TMEM14C: variants seen among roughly 807,000 people sequenced by gnomAD.
The protein encoded by TMEM14C is transmembrane protein 14C, also known as chromosome 6 open reading frame 53.
TMEM14C carries 13 observed loss-of-function variants against 14.8 expected under a neutral mutation model. The ratio of observed to expected loss-of-function variants is 0.88; its 90% CI spans 0.57 to 1.40. TMEM14C has a LOEUF of 1.40. Ranked by LOEUF, TMEM14C falls within the 40% of genes most tolerant of loss-of-function variation. TMEM14C has a pLI of 0.00. For missense variants in TMEM14C, 142 were observed against 138.8 expected, an observed-to-expected ratio of 1.02 and a Z score of -0.12; for synonymous variants, 57 against 51.3, an observed-to-expected ratio of 1.11 and a Z score of -0.48.
chr6:10,725,001 G>C lies in TMEM14C; in HGVS notation c.61G>C (p.Val21Leu). The change falls in exon 3 of 6, where the codon GTT (valine) becomes CTT (leucine). Residue 21 changes from valine (V) to leucine (L), a missense_variant. Physicochemically the swap from Val to Leu is conservative, Grantham distance 32. Transcript: ENST00000229563. ...GTTTGGCTTTGGCTACGCAGCACTG[G>C]TTGCTTCTGGTGGGATCATTGGCTA... ...HWFGFGYAAL[V>L]ASGGIIGYVK... 6.2e-7 allele frequency: 1 copy of C among 1,614,238 alleles called. No individual in the cohort carries two copies.
intron 4 of TMEM14C, among the ~76,000 whole-genome samples, chr6:10,727,738 T>C (rs1424481393): frequency 6.6e-6 from 1 of 151,976 alleles, no homozygotes; most frequent in Non-Finnish European, 1.5e-5. Flanking sequence ...TGAGAATTGC[T>C]TGATCCCAGG....
chr6:10,728,659 T>C lies in TMEM14C; in HGVS notation c.219T>C (p.Ala73=), dbSNP rs765467647. ...WVFLATSGTL[A]GIMGMRFYHS... is the part of the protein sequence containing the mutation. Reference sequence around the variant, plus strand: ...CATCAGCTACATCTGGTACCTTGGCTGGCATTATGGGAATGAGGTTCTACC... The same window carrying C: ...CATCAGCTACATCTGGTACCTTGGCCGGCATTATGGGAATGAGGTTCTACC... The change falls in exon 5 of 6, where the codon GCT becomes GCC. Residue 73 remains alanine, a synonymous_variant. Transcript: ENST00000229563. 3.7e-6 allele frequency: 6 copies of C among 1,614,196 alleles called. No individual in the cohort carries two copies. Among genetic ancestry groups the C allele is most frequent in the Non-Finnish European group, 5.1e-6 (6 of 1,180,032 alleles).
At chr6:10,730,469 A>T (rs898351506) in intron 5 of TMEM14C, 146 bp from the exon 6 acceptor site, 1 of 652,712 alleles carries the variant, frequency 1.5e-6, no homozygotes, top group East Asian at 3.0e-5. Context: ...TGGTTCCTCC[A>T]GGGATGGAAA....
Position 10,730,719 on chromosome 6 carries a change from C to A in TMEM14C, c.*53C>A. On this transcript the variant is annotated 3_prime_UTR_variant, in exon 6 of 6. Transcript: ENST00000229563. ...TGAAGAATTAAAAATCTGCATCTTC[C>A]ACTATTTTCAATATATTAAGAGAAA... 2 of 1,534,574 alleles carry A rather than the reference C, an allele frequency of 1.3e-6. No individual in the cohort carries two copies. Among genetic ancestry groups the A allele is most frequent in the Non-Finnish European group, 1.8e-6 (2 of 1,133,742 alleles).
chr6:10,724,733 G>T, intron 2 of TMEM14C, 100 bp downstream of exon 2: 2 of 1,385,910 alleles, frequency 1.4e-6, no homozygotes, highest in Non-Finnish European at 2.0e-6. Flanking sequence ...GCCTGGGATG[G>T]CATGGGGGAT....
chr6:10,730,819 A>C lies in TMEM14C; in HGVS notation c.*153A>C, dbSNP rs1473062631. 2 of 1,350,754 alleles carry C rather than the reference A, an allele frequency of 1.5e-6. No individual in the cohort carries two copies. Among genetic ancestry groups the C allele is most frequent in the Non-Finnish European group, 1.9e-6 (2 of 1,046,220 alleles). The allele number at this position is 1,350,754 out of a possible 1,614,324, so 83.7% of individuals were successfully genotyped here. On this transcript the variant is annotated 3_prime_UTR_variant, in exon 6 of 6. Coordinates refer to ENST00000229563, the MANE Select transcript of TMEM14C (RefSeq NM_016462.4). ...AAACTTGGCAGAGAGGTGGAAAATC[A>C]GTCATGATTACAAACCTACAGAGGT...
intron 1 of TMEM14C, among the ~76,000 whole-genome samples, chr6:10,724,188 G>A (rs1770784976): frequency 6.6e-6 from 1 of 152,320 alleles, no homozygotes; most frequent in South Asian, 2.1e-4. Context: ...AGACATTAAA[G>A]TAGTTGGATT....
At chr6:10,727,253 C>T (rs1770890202) in intron 4 of TMEM14C, among the ~76,000 whole-genome samples, 1 of 152,260 alleles carries the variant, frequency 6.6e-6, no homozygotes, top group South Asian at 2.1e-4. Flanking sequence ...GACCTTTACA[C>T]TGGCCAGGAT....
intron 4 of TMEM14C, among the ~76,000 whole-genome samples, chr6:10,728,182 AC>A (rs1770922952): frequency 6.6e-6 from 1 of 152,150 alleles, no homozygotes; most frequent in Non-Finnish European, 1.5e-5. Context: ...GTCCCATCAG[AC>A]CTGAAGCACT....
chr6:10,726,289 T>C, intron 4 of TMEM14C, among the ~76,000 whole-genome samples: 1 of 152,216 alleles, frequency 6.6e-6, no homozygotes, highest in East Asian at 1.9e-4. Flanking sequence ...GTATCAACCG[T>C]TGAGGTTGCC....
Position 10,724,569 on chromosome 6 carries a change from G to C in TMEM14C, c.-44-1G>C. On this transcript the variant is annotated splice_acceptor_variant, in intron 1 of 5. Coordinates refer to ENST00000229563, the MANE Select transcript of TMEM14C (RefSeq NM_016462.4). LOFTEE classifies it low-confidence loss of function (5UTR_SPLICE). ...CCTCTGATCCAGCTTGTTTTCTGCA[G>C]GTGCAGGCCTGGGGTAGTCTCCTGT... The C allele has an allele frequency of 6.2e-7, 1 of 1,610,214 alleles. No individual in the cohort carries two copies. Among genetic ancestry groups the C allele is most frequent in the Non-Finnish European group, 8.5e-7 (1 of 1,177,488 alleles).
intron 3 of TMEM14C, among the ~76,000 whole-genome samples, chr6:10,725,396 C>G (rs1338126814): frequency 6.6e-6 from 1 of 152,228 alleles, no homozygotes; most frequent in East Asian, 1.9e-4. Flanking sequence ...ATTTTGAACT[C>G]TCCTCGTTAG....
chr6:10,727,360 A>C (rs1378381650), intron 4 of TMEM14C, among the ~76,000 whole-genome samples: 1 of 151,826 alleles, frequency 6.6e-6, no homozygotes, highest in Non-Finnish European at 1.5e-5. Flanking sequence ...CCTTTTTTTG[A>C]GATGGAGTCT....
Position 10,730,769 on chromosome 6 carries a change from CATTTT to C in TMEM14C, c.*105_*109del. On this transcript the variant is annotated 3_prime_UTR_variant, in exon 6 of 6. Coordinates refer to ENST00000229563, the MANE Select transcript of TMEM14C (RefSeq NM_016462.4). ...ATAAGTGCAGCATTTTTGCATCTGA[CATTTT>C]ACCTAAAAAAAAAGACACCAAACTT... 1 of 1,412,074 alleles carries C rather than the reference CATTTT, an allele frequency of 7.1e-7. No individual in the cohort carries two copies. The highest frequency in any genetic ancestry group is 1.6e-5 in the South Asian group (1 of 62,844). The allele number at this position is 1,412,074 out of a possible 1,614,324, so 87.5% of individuals were successfully genotyped here. A position where few individuals can be genotyped will look rare whatever the true frequency, so the allele number is the denominator to read the frequency against.
At position 10,730,941 on chromosome 6, in the gene TMEM14C, C is replaced by G; in HGVS notation, c.*275C>G. The G allele has an allele frequency of 9.3e-7, 1 of 1,077,192 alleles. No homozygotes were observed. The highest frequency in any genetic ancestry group is 1.1e-6 in the Non-Finnish European group (1 of 889,064). The allele number at this position is 1,077,192 out of a possible 1,614,324, so 66.7% of individuals were successfully genotyped here. ...TCTTTCTGTATCTGTAGGTAAATCT[C>G]AAGGGTAAAATGTTAGGTGTCAGCT... On this transcript the variant is annotated 3_prime_UTR_variant, in exon 6 of 6. Coordinates refer to ENST00000229563, the MANE Select transcript of TMEM14C (RefSeq NM_016462.4).
At chr6:10,728,780 A>G (rs1770944673) in intron 5 of TMEM14C, 53 bp downstream of exon 5, 1 of 1,612,732 alleles carries the variant, frequency 6.2e-7, no homozygotes, top group African/African-American at 1.3e-5. Context: ...TTTATTCCCC[A>G]GGATACCTTA....
chr6:10,729,818 C>G (rs1770976364), intron 5 of TMEM14C, among the ~76,000 whole-genome samples: 1 of 151,964 alleles, frequency 6.6e-6, no homozygotes, highest in Admixed American at 6.6e-5. Flanking sequence ...TAGTTGTAGG[C>G]CAGGTGTGGT....
intron 5 of TMEM14C, among the ~76,000 whole-genome samples, chr6:10,729,529 C>G (rs563158490): frequency 6.6e-6 from 1 of 152,262 alleles, no homozygotes; most frequent in Admixed American, 6.5e-5. Flanking sequence ...GTAATCCCAG[C>G]AATTTGGGAG....
intron 4 of TMEM14C, among the ~76,000 whole-genome samples, chr6:10,727,897 T>TA (rs767330134): frequency 6.6e-6 from 1 of 152,156 alleles, no homozygotes; most frequent in East Asian, 1.9e-4. Context: ...TCATTGTTCT[T>TA]ACGATGAAAA....
Sources: allele counts gnomAD v4.1 joint callset (sites outside exome capture counted in the v4.1 genomes callset), GRCh38; gene constraint gnomAD v4.1.1; transcripts MANE v1.5; gene names NCBI Gene and HGNC (gene_info 2026-07-23, HGNC 2026-07-21).